IMMP2L: variants seen among roughly 807,000 people sequenced by gnomAD.
IMMP2L encodes inner mitochondrial membrane peptidase subunit 2, also known as mitochondrial inner membrane protease subunit 2.
In IMMP2L, 18 loss-of-function variants were observed where a neutral mutation model predicts 19.3. The ratio of observed to expected loss-of-function variants is 0.93; its 90% CI spans 0.64 to 1.38. The LOEUF is 1.38. IMMP2L is among the 40% of genes most tolerant of loss of function. The probability of loss-of-function intolerance (pLI) is 0.00; values close to 1 mark genes in which losing one functional copy is unlikely to be tolerated. For missense variants in IMMP2L, 233 were observed against 218.2 expected (o/e 1.07, Z -0.43); for synonymous variants, 76 against 73.0 (o/e 1.04, Z -0.21).
At chr7:110,800,582 A>G (rs1270548512) in intron 5 of IMMP2L, among the ~76,000 whole-genome samples, 1 of 152,084 alleles carries the variant, frequency 6.6e-6, no homozygotes, top group African/African-American at 2.4e-5. Flanking sequence ...TTTCTTCCCA[A>G]AAAGTTAATA....
At chr7:111,556,044 A>G (rs1791315455) in intron 1 of IMMP2L, among the ~76,000 whole-genome samples, 1 of 143,206 alleles carries the variant, frequency 7.0e-6, no homozygotes, top group African/African-American at 2.5e-5. Flanking sequence ...ATACATACCC[A>G]AAGAAAATGA....
At chr7:111,128,402 T>A (rs10216185) in intron 3 of IMMP2L, among the ~76,000 whole-genome samples, 3,874 of 152,274 alleles carry the variant, frequency 0.025, 164 homozygotes, top group African/African-American at 0.088. Flanking sequence ...AATACAAGGT[T>A]TTTTTCTTGG....
chr7:111,043,910 T>A (rs983468432), intron 3 of IMMP2L, among the ~76,000 whole-genome samples: 1 of 152,190 alleles, frequency 6.6e-6, no homozygotes, highest in African/African-American at 2.4e-5. Flanking sequence ...TGTCAGCTCT[T>A]TTGTCAGTAA....
At chr7:110,948,689 C>A (rs1475367147) in intron 4 of IMMP2L, among the ~76,000 whole-genome samples, 3 of 152,160 alleles carry the variant, frequency 2.0e-5, no homozygotes, top group Non-Finnish European at 2.9e-5. Flanking sequence ...AATAGCTCTT[C>A]CCCCTTGTGA....
At position 111,123,537 on chromosome 7, in the gene IMMP2L, T is replaced by C. The variant is rs1167803335; in HGVS notation, c.240-159972A>G. ...GGCTTATTAAAGTACCCCATGTTGCTCTTCAAAAAGTTGTAAATCTCAAAT... is the reference window on the plus strand; with the variant it reads ...GGCTTATTAAAGTACCCCATGTTGCCCTTCAAAAAGTTGTAAATCTCAAAT... On this transcript the variant is annotated intron_variant, in intron 3 of 5. Transcript: ENST00000405709. The surrounding 1 kb of genome is among the most constrained non-coding windows in gnomAD (Gnocchi z 6.4). 6.2e-7 allele frequency: 1 copy of C among 1,613,926 alleles called. No individual in the cohort carries two copies. The highest frequency in any genetic ancestry group is 8.5e-7 in the Non-Finnish European group (1 of 1,179,946).
intron 3 of IMMP2L, among the ~76,000 whole-genome samples, chr7:111,338,215 G>A (rs750704827): frequency 6.6e-6 from 1 of 152,164 alleles, no homozygotes; most frequent in Non-Finnish European, 1.5e-5. Flanking sequence ...CAGTTTAACA[G>A]AGGAGAGTGT....
chr7:111,225,051 A>G (rs1478639604), intron 3 of IMMP2L, among the ~76,000 whole-genome samples: 5 of 152,128 alleles, frequency 3.3e-5, no homozygotes, highest in African/African-American at 9.7e-5. Context: ...TTTCCGTTGC[A>G]AGCTGAACTA....
chr7:111,095,377 G>A (rs577049243), intron 3 of IMMP2L, among the ~76,000 whole-genome samples: 1 of 151,548 alleles, frequency 6.6e-6, no homozygotes, highest in East Asian at 1.9e-4. Context: ...TGCCTCCTTG[G>A]TCTTTCAAAA....
chr7:110,866,055 T>C (rs1314607882), intron 5 of IMMP2L, among the ~76,000 whole-genome samples: 1 of 152,056 alleles, frequency 6.6e-6, no homozygotes, highest in Non-Finnish European at 1.5e-5. Flanking sequence ...CAGATTTCTA[T>C]GACCTTTGAG....
intron 3 of IMMP2L, among the ~76,000 whole-genome samples, chr7:111,030,832 G>GTA (rs961127263): frequency 1.3e-5 from 2 of 149,742 alleles, no homozygotes; most frequent in East Asian, 3.9e-4. Flanking sequence ...ATGTGTCTGT[G>GTA]TATATATGTA....
chr7:110,766,150 C>A (rs1352137183), intron 5 of IMMP2L, among the ~76,000 whole-genome samples: 2 of 152,138 alleles, frequency 1.3e-5, no homozygotes, highest in Non-Finnish European at 2.9e-5. Flanking sequence ...ATAAATTACA[C>A]ATTTCCAAAT....
chr7:110,790,337 G>C (rs1232583058), intron 5 of IMMP2L, among the ~76,000 whole-genome samples: 1 of 151,738 alleles, frequency 6.6e-6, no homozygotes. Flanking sequence ...CTGATGGAAA[G>C]AAACTGAAGG....
chr7:111,514,871 G>A (rs555272939), intron 2 of IMMP2L, among the ~76,000 whole-genome samples: 13 of 152,012 alleles, frequency 8.6e-5, no homozygotes, highest in Admixed American at 7.9e-4. Flanking sequence ...TAACATAACA[G>A]CAGTAAATAC....
At chr7:110,835,657 T>C (rs878906206) in intron 5 of IMMP2L, among the ~76,000 whole-genome samples, 1 of 152,124 alleles carries the variant, frequency 6.6e-6, no homozygotes, top group Non-Finnish European at 1.5e-5. Flanking sequence ...ATTTTTTTTT[T>C]TCTCTTCCTG....
At chr7:111,048,928 G>A (rs920459589) in intron 3 of IMMP2L, among the ~76,000 whole-genome samples, 3 of 151,980 alleles carry the variant, frequency 2.0e-5, no homozygotes, top group Non-Finnish European at 4.4e-5. Context: ...ACGTACATTA[G>A]TTTGAAATCT....
At chr7:110,745,942 A>G (rs1036163524) in intron 5 of IMMP2L, among the ~76,000 whole-genome samples, 2 of 152,218 alleles carry the variant, frequency 1.3e-5, no homozygotes, top group African/African-American at 4.8e-5. Context: ...CTCCAATTAA[A>G]AGACACAGAC....
chr7:110,976,111 T>C (rs953963498), intron 3 of IMMP2L, among the ~76,000 whole-genome samples: 1 of 152,028 alleles, frequency 6.6e-6, no homozygotes, highest in South Asian at 2.1e-4. Flanking sequence ...GCCCTGATAA[T>C]ATGTAACATT....
At chr7:111,178,910 G>A (rs2129610591) in intron 3 of IMMP2L, among the ~76,000 whole-genome samples, 1 of 151,948 alleles carries the variant, frequency 6.6e-6, no homozygotes, top group African/African-American at 2.4e-5. Context: ...ATTTTGATCT[G>A]TTCTCATGCA....
At chr7:111,553,295 C>A (rs150838900) in intron 1 of IMMP2L, among the ~76,000 whole-genome samples, 240 of 152,224 alleles carry the variant, frequency 1.6e-3, no homozygotes, top group African/African-American at 5.5e-3. Context: ...ATACCACTTT[C>A]TTCTCAACTA....
Sources: gnomAD v4.1 joint callset for allele counts (sites outside exome capture counted in the v4.1 genomes callset) on GRCh38, gnomAD v4.1.1 for gene constraint, Gnocchi (gnomAD v3.1) non-coding constraint, MANE v1.5 for transcripts, NCBI Gene and HGNC (gene_info 2026-07-23, HGNC 2026-07-21) for gene names.